TMEM135: variants seen among roughly 807,000 people sequenced by gnomAD.
TMEM135 encodes the protein transmembrane protein 135.
TMEM135 carries 30 observed loss-of-function variants against 60.3 expected under a neutral mutation model. The ratio of observed to expected loss-of-function variants is 0.50; its 90% confidence interval spans 0.37 to 0.68. The LOEUF is 0.68. TMEM135 is among the 30% of genes least tolerant of loss of function. The pLI is 0.00. For synonymous variants in TMEM135, 190 were observed against 186.7 expected (o/e 1.02, Z -0.14); for missense variants, 468 against 548.8 (o/e 0.85, Z 1.47).
chr11:87,152,297 T>G (rs1414845819), intron 4 of TMEM135, among the ~76,000 whole-genome samples: 1 of 152,242 alleles, frequency 6.6e-6, no homozygotes, highest in Non-Finnish European at 1.5e-5. Context: ...TTCTGTCATT[T>G]TTGTAGTATT....
At chr11:87,186,194 C>T (rs376496041) in intron 5 of TMEM135, among the ~76,000 whole-genome samples, 1 of 152,156 alleles carries the variant, frequency 6.6e-6, no homozygotes, top group South Asian at 2.1e-4. Flanking sequence ...CATGAGCCAC[C>T]GTGCCCAGCT....
At chr11:87,315,146 T>TTCC (rs58849661) in intron 12 of TMEM135, among the ~76,000 whole-genome samples, 12,594 of 151,320 alleles carry the variant, frequency 0.083, 1,074 homozygotes, top group African/African-American at 0.22. Flanking sequence ...ACTGCTTTTC[T>TTCC]TCCTCCTCCT....
rs186968510 is a variant in TMEM135 at position 87,167,784 on chromosome 11, T to G, written c.462+10378T>G. Among the ~76,000 whole-genome samples the G allele has an allele frequency of 2.8e-4, 43 of 152,250 alleles. No homozygotes were observed. The East Asian group carries it at 8.3e-3, about 29-fold the overall frequency. The stretch of plus-strand genomic sequence containing the variant: ...CTGAAATTTCCTTTTTTTTGTTGTG[T>G]CTCTGCCACGTTTTGGTATCAGGAT... On this transcript the variant is annotated intron_variant, in intron 5 of 14. Coordinates refer to ENST00000305494, the MANE Select transcript of TMEM135 (RefSeq NM_022918.4).
intron 1 of TMEM135, among the ~76,000 whole-genome samples, chr11:87,062,115 C>T (rs1298365323): frequency 1.3e-5 from 2 of 151,980 alleles, no homozygotes; most frequent in African/African-American, 4.8e-5. Context: ...AAGCAATTCT[C>T]CTGCCTCAGC....
chr11:87,226,019 T>C (rs1940758152), intron 5 of TMEM135, among the ~76,000 whole-genome samples: 1 of 152,150 alleles, frequency 6.6e-6, no homozygotes, highest in Non-Finnish European at 1.5e-5. Flanking sequence ...CTCCCATGGC[T>C]CCTTTTAGTT....
At chr11:87,168,974 C>T (rs1222990477) in intron 5 of TMEM135, among the ~76,000 whole-genome samples, 1 of 152,044 alleles carries the variant, frequency 6.6e-6, no homozygotes. Context: ...CTTTATGAAT[C>T]TGGGTGCTCC....
chr11:87,212,246 T>A (rs1017763216), intron 5 of TMEM135, among the ~76,000 whole-genome samples: 6 of 147,232 alleles, frequency 4.1e-5, no homozygotes, highest in Non-Finnish European at 7.6e-5. Context: ...CTGTTACGCA[T>A]TTTTTTTTTC....
intron 8 of TMEM135, among the ~76,000 whole-genome samples, chr11:87,302,960 A>T (rs1390248465): frequency 6.6e-6 from 1 of 152,234 alleles, no homozygotes; most frequent in African/African-American, 2.4e-5. Flanking sequence ...TCTAGGATAG[A>T]TACTTAAGAA....
At chr11:87,090,476 C>G (rs183635720) in intron 3 of TMEM135, among the ~76,000 whole-genome samples, 2 of 151,920 alleles carry the variant, frequency 1.3e-5, no homozygotes, top group South Asian at 4.2e-4. Context: ...TATGAAGATT[C>G]GGCATATTTA....
chr11:87,188,640 G>A (rs886919015), intron 5 of TMEM135, among the ~76,000 whole-genome samples: 6 of 151,358 alleles, frequency 4.0e-5, no homozygotes, highest in African/African-American at 1.5e-4. Context: ...GTAGGTGGAG[G>A]TTGCAGTGGG....
At chr11:87,039,342 A>C (rs1949731478) in intron 1 of TMEM135, among the ~76,000 whole-genome samples, 3 of 152,196 alleles carry the variant, frequency 2.0e-5, no homozygotes, top group Admixed American at 2.0e-4. Flanking sequence ...GATTATGTTA[A>C]AATGGGGGTT....
chr11:87,070,997 T>A (rs1302857461), intron 2 of TMEM135, among the ~76,000 whole-genome samples: 2 of 152,188 alleles, frequency 1.3e-5, no homozygotes, highest in Non-Finnish European at 2.9e-5. Context: ...CTCTATGAGA[T>A]AGGTAATATT....
intron 5 of TMEM135, among the ~76,000 whole-genome samples, chr11:87,186,946 A>C (rs1939669447): frequency 6.6e-6 from 1 of 152,208 alleles, no homozygotes; most frequent in African/African-American, 2.4e-5. Flanking sequence ...GATACACTAG[A>C]AAATATAATT....
At chr11:87,258,438 T>C (rs922247460) in intron 6 of TMEM135, among the ~76,000 whole-genome samples, 3 of 152,108 alleles carry the variant, frequency 2.0e-5, no homozygotes, top group Non-Finnish European at 4.4e-5. Flanking sequence ...CTGTTTTACA[T>C]TGTGTGCATG....
chr11:87,212,367 G>C (rs1940390715), intron 5 of TMEM135, among the ~76,000 whole-genome samples: 1 of 151,936 alleles, frequency 6.6e-6, no homozygotes, highest in Non-Finnish European at 1.5e-5. Flanking sequence ...TTGTTCCCAG[G>C]TCAAAATAAA....
At chr11:87,298,289 T>C (rs1942382467) in intron 7 of TMEM135, among the ~76,000 whole-genome samples, 1 of 152,190 alleles carries the variant, frequency 6.6e-6, no homozygotes, top group Non-Finnish European at 1.5e-5. Context: ...TTGATACATT[T>C]GAGAATGGTG....
intron 5 of TMEM135, among the ~76,000 whole-genome samples, chr11:87,212,185 T>C (rs1940386607): frequency 6.6e-6 from 1 of 152,218 alleles, no homozygotes; most frequent in African/African-American, 2.4e-5. Flanking sequence ...ATAAAAGTTT[T>C]GTTTTTGAAT....
intron 11 of TMEM135, among the ~76,000 whole-genome samples, 187 bp downstream of exon 11, chr11:87,313,675 G>A (rs1438319821): frequency 6.6e-6 from 1 of 151,716 alleles, no homozygotes; most frequent in Admixed American, 6.6e-5. Context: ...GCCATCTGAT[G>A]TTTTGAGTTG....
intron 6 of TMEM135, among the ~76,000 whole-genome samples, chr11:87,268,521 CA>C (rs1941799010): frequency 6.6e-6 from 1 of 152,070 alleles, no homozygotes; most frequent in South Asian, 2.1e-4. Flanking sequence ...AAATTTCTAA[CA>C]AATGATTTAA....
Sources: allele counts gnomAD v4.1 joint callset (sites outside exome capture counted in the v4.1 genomes callset), GRCh38; gene constraint gnomAD v4.1.1; transcripts MANE v1.5; gene names NCBI Gene and HGNC (gene_info 2026-07-23, HGNC 2026-07-21).